MMS22L: variants seen among roughly 807,000 people sequenced by gnomAD.
MMS22L encodes the protein MMS22 like, DNA repair protein.
In MMS22L, 74 loss-of-function variants were observed where a neutral mutation model predicts 159.1. That is an observed-to-expected ratio of 0.47 (90% CI 0.39 to 0.56). The LOEUF (loss-of-function observed/expected upper bound fraction) is 0.56, where lower values mean the gene tolerates loss of function less well. MMS22L is among the 20% of genes least tolerant of loss of function. The probability of loss-of-function intolerance (pLI) is 0.00; values close to 1 mark genes in which losing one functional copy is unlikely to be tolerated. For synonymous variants in MMS22L, 517 were observed against 506.9 expected (o/e 1.02, Z -0.27); for missense variants, 1,351 against 1,422.1 (o/e 0.95, Z 0.80).
At position 97,229,058 on chromosome 6, in the gene MMS22L, G is replaced by GGAAAGAAGGGTCCA; in HGVS notation, c.1861_1874dup (p.Ile626GlyfsTer49). On this transcript the variant is annotated frameshift_variant, in exon 14 of 25. Coordinates refer to ENST00000683635, the MANE Select transcript of MMS22L (RefSeq NM_001350599.2). LOFTEE classifies it high-confidence loss of function. ...CTTCTTGAACACCATCAATGTATAT[G>GGAAAGAAGGGTCCA]GAAAGAAGGGTCCAGATAGTCTGTC... 6.2e-7 allele frequency: 1 copy of GGAAAGAAGGGTCCA among 1,614,046 alleles called. No individual in the cohort carries two copies. The highest frequency in any genetic ancestry group is 1.1e-5 in the South Asian group (1 of 91,062).
At chr6:97,269,076 A>G (rs750148759) in intron 7 of MMS22L, among the ~76,000 whole-genome samples, 5 of 152,118 alleles carry the variant, frequency 3.3e-5, no homozygotes, top group Non-Finnish European at 7.4e-5. Flanking sequence ...TTTATCCATA[A>G]TATGTATAAA....
At chr6:97,274,416 A>G (rs978117999) in intron 4 of MMS22L, among the ~76,000 whole-genome samples, 3 of 152,184 alleles carry the variant, frequency 2.0e-5, no homozygotes, top group African/African-American at 7.2e-5. Flanking sequence ...TGCAGTGAAC[A>G]TCTGCATCCA....
intron 14 of MMS22L, among the ~76,000 whole-genome samples, chr6:97,197,317 C>A (rs1159886074): frequency 1.3e-5 from 2 of 152,142 alleles, no homozygotes; most frequent in Non-Finnish European, 2.9e-5. Context: ...ACTCATCCTC[C>A]AAATTTAATA....
At position 97,237,197 on chromosome 6, in the gene MMS22L, A is replaced by G. The variant is rs370601536; in HGVS notation, c.1183-3217T>C. ...GATAAGGCAAGTAAAAGAAAATCTA[A>G]TAAGAAGTGAGGCTATTAAGAAATT... On this transcript the variant is annotated intron_variant, in intron 11 of 24. Coordinates refer to ENST00000683635, the MANE Select transcript of MMS22L (RefSeq NM_001350599.2). Among the ~76,000 whole-genome samples the G allele has an allele frequency of 2.6e-5, 4 of 152,284 alleles. No homozygotes were observed. The East Asian group carries it at 7.7e-4, about 29-fold the overall frequency.
At chr6:97,173,296 TTC>T (rs1803753236) in intron 18 of MMS22L, 74 bp from the exon 19 acceptor site, 9 of 1,435,760 alleles carry the variant, frequency 6.3e-6, no homozygotes, top group Admixed American at 6.2e-5. Flanking sequence ...AAGATAATTT[TTC>T]TCTCTTTTTC....
At chr6:97,275,254 C>A (rs2128097289) in intron 4 of MMS22L, among the ~76,000 whole-genome samples, 1 of 152,318 alleles carries the variant, frequency 6.6e-6, no homozygotes, top group Middle Eastern at 3.4e-3. Context: ...ATTGGCCGGG[C>A]ATGGTGGCTC....
At chr6:97,191,484 TC>T (rs1805860351) in intron 14 of MMS22L, among the ~76,000 whole-genome samples, 6 of 152,148 alleles carry the variant, frequency 3.9e-5, no homozygotes, top group Admixed American at 2.6e-4. Context: ...GATGGACTTT[TC>T]ATCACATGGA....
In MMS22L at chr6:97,146,095, G is replaced by GT. The variant is rs1800915409; in HGVS notation, c.*710_*711insA. The GT allele has an allele frequency of 7.2e-6, 1 of 138,396 alleles. No individual in the cohort carries two copies. The highest frequency in any genetic ancestry group is 2.6e-5 in the African/African-American group (1 of 38,314). The allele number at this position is 138,396 out of a possible 1,614,324, so 8.6% of individuals were successfully genotyped here. On this transcript the variant is annotated 3_prime_UTR_variant, in exon 25 of 25. Transcript: ENST00000683635. ...CTCCTTTATTTCCTCCTCCTGATAT[G>GT]ATTTTTTTTTTAATGACAACTCCAA...
At chr6:97,147,127 T>C (rs545461496) in intron 24 of MMS22L, among the ~76,000 whole-genome samples, 4 of 152,130 alleles carry the variant, frequency 2.6e-5, no homozygotes, top group Non-Finnish European at 5.9e-5. Flanking sequence ...AAATGACATG[T>C]AAAAGTTCAT....
chr6:97,248,508 A>G (rs1426115186), intron 10 of MMS22L, among the ~76,000 whole-genome samples: 1 of 152,232 alleles, frequency 6.6e-6, no homozygotes, highest in Non-Finnish European at 1.5e-5. Flanking sequence ...TACACAAATA[A>G]AATGAATGCA....
chr6:97,246,498 A>T (rs892713279), intron 11 of MMS22L, 130 bp downstream of exon 11: 1 of 660,416 alleles, frequency 1.5e-6, no homozygotes, highest in Non-Finnish European at 2.6e-6. Context: ...AACTACTGTG[A>T]GTTAACCCTT....
In MMS22L at chr6:97,162,006, T is replaced by G; in HGVS notation, c.3381A>C (p.Pro1127=). The G allele has an allele frequency of 6.2e-7, 1 of 1,606,850 alleles. No individual in the cohort carries two copies. Among genetic ancestry groups the G allele is most frequent in the Non-Finnish European group, 8.5e-7 (1 of 1,177,750 alleles). ...ILKCLVLVSE[P]QVKRLATENL... The stretch of plus-strand genomic sequence containing the variant: ...AAAATAAGCTTACAAACAAACCTTG[T>G]GGTTCACTGACTAACACCAAGCATT... Residue 1127 remains proline, a synonymous_variant, in exon 22 of 25, where the codon CCA becomes CCC. Coordinates refer to ENST00000683635, the MANE Select transcript of MMS22L (RefSeq NM_001350599.2).
Position 97,272,996 on chromosome 6 carries a change from T to A in MMS22L, c.407A>T (p.Tyr136Phe), listed in dbSNP as rs747998266. 1.9e-6 allele frequency: 3 copies of A among 1,612,796 alleles called. No homozygotes were observed. Among genetic ancestry groups the A allele is most frequent in the Non-Finnish European group, 1.7e-6 (2 of 1,179,748 alleles). Reference sequence around the variant, plus strand: ...CTACCTGAAGATGAAAACTTTAACATAATGGAGAAATAGTACACACTGCTG... The same window carrying A: ...CTACCTGAAGATGAAAACTTTAACAAAATGGAGAAATAGTACACACTGCTG... ...IRQQCVLFLH[Y>F]VKVFIFRYLK... Residue 136 changes from tyrosine (Y) to phenylalanine (F), a missense_variant, in exon 5 of 25, where the codon TAT becomes TTT. Transcript: ENST00000683635.
chr6:97,185,739 T>C (rs899385815), intron 15 of MMS22L, among the ~76,000 whole-genome samples: 5 of 152,148 alleles, frequency 3.3e-5, no homozygotes, highest in Non-Finnish European at 7.4e-5. Flanking sequence ...CTAGGATAAA[T>C]ATTGGTTTAA....
Position 97,168,217 on chromosome 6 carries a change from G to C in MMS22L, c.2863C>G (p.Gln955Glu). Residue 955 changes from glutamine to glutamate, a missense_variant, in exon 20 of 25, where the codon CAA becomes GAA. Gln to Glu is a conservative substitution (Grantham distance 29, BLOSUM62 2). Transcript: ENST00000683635. ...MMGILVKSWAQIFATSKAQKL... is the reference protein window; with the variant it reads ...MMGILVKSWAEIFATSKAQKL... ...TGGGCTTTAGAAGTGGCAAAGATTTGTGCCCATGATTTCACAAGAATTCCT... is the reference window on the plus strand; with the variant it reads ...TGGGCTTTAGAAGTGGCAAAGATTTCTGCCCATGATTTCACAAGAATTCCT... 4 of 1,612,694 alleles carry C rather than the reference G, an allele frequency of 2.5e-6. No homozygotes were observed. The highest frequency in any genetic ancestry group is 3.4e-6 in the Non-Finnish European group (4 of 1,179,164).
intron 10 of MMS22L, among the ~76,000 whole-genome samples, chr6:97,253,040 A>C (rs1813406454): frequency 6.6e-6 from 1 of 152,172 alleles, no homozygotes; most frequent in South Asian, 2.1e-4. Flanking sequence ...AAAAACATAC[A>C]ATTCTTTTCT....
Position 97,228,884 on chromosome 6 carries a change from A to C in MMS22L, c.2039+10T>G. ...CAAATCATAAATTAGCATACAACTG[A>C]AAACCATACCTGATTCTGGCCAGAA... On this transcript the variant is annotated intron_variant, in intron 14 of 24. Transcript: ENST00000683635. The C allele has an allele frequency of 6.3e-7, 1 of 1,594,532 alleles. No homozygotes were observed. The highest frequency in any genetic ancestry group is 8.5e-7 in the Non-Finnish European group (1 of 1,171,562).
chr6:97,214,218 G>T (rs1376361830), intron 14 of MMS22L, among the ~76,000 whole-genome samples: 1 of 152,146 alleles, frequency 6.6e-6, no homozygotes, highest in Non-Finnish European at 1.5e-5. Context: ...ATACCCAAGA[G>T]CCCTGCCAAG....
At chr6:97,250,969 GA>G (rs1562506809) in intron 10 of MMS22L, among the ~76,000 whole-genome samples, 1 of 151,552 alleles carries the variant, frequency 6.6e-6, no homozygotes, top group African/African-American at 2.4e-5. Context: ...ATCATAAGGA[GA>G]AAAAAAAATT....
Sources: gnomAD v4.1 joint callset for allele counts (sites outside exome capture counted in the v4.1 genomes callset) on GRCh38, gnomAD v4.1.1 for gene constraint, MANE v1.5 for transcripts, NCBI Gene and HGNC (gene_info 2026-07-23, HGNC 2026-07-21) for gene names.